The following PRORP variants were observed in gnomAD, a reference collection of about 807,000 sequenced individuals.
The protein encoded by PRORP is mitochondrial ribonuclease P catalytic subunit.
PRORP carries 51 observed loss-of-function variants against 59.4 expected under a neutral mutation model. That is an observed-to-expected ratio of 0.86 (90% confidence interval 0.69 to 1.08). The LOEUF is 1.08. Among genes scored for constraint, PRORP ranks in the 50% least tolerant of loss-of-function variants. The probability of loss-of-function intolerance (pLI) is 0.00; values close to 1 mark genes in which losing one functional copy is unlikely to be tolerated. For synonymous variants in PRORP, 231 were observed against 245.6 expected (o/e 0.94, Z 0.55); for missense variants, 646 against 690.3 (o/e 0.94, Z 0.72).
chr14:35,184,068 A>G lies in PRORP; in HGVS notation c.1275+3291A>G, dbSNP rs113339318. Among the ~76,000 whole-genome samples the G allele has an allele frequency of 4.1e-3, 629 of 152,074 alleles. 7 individuals carry two copies. The highest frequency in any genetic ancestry group is 0.014 in the African/African-American group (589 of 41,504). On this transcript the variant is annotated intron_variant, in intron 5 of 7. Transcript: ENST00000534898. ...TGTACATATTATTTATGCTCTTCCTATAAACTCTCTGCATTATACATTACA... is the reference window on the plus strand; with the variant it reads ...TGTACATATTATTTATGCTCTTCCTGTAAACTCTCTGCATTATACATTACA...
intron 5 of PRORP, among the ~76,000 whole-genome samples, chr14:35,239,936 G>A (rs187819676): frequency 1.6e-4 from 25 of 152,226 alleles, no homozygotes; most frequent in African/African-American, 5.5e-4. Flanking sequence ...TTAGCCAGGC[G>A]TGGTGGCGTG....
chr14:35,244,276 C>T (rs2050430983), intron 5 of PRORP, among the ~76,000 whole-genome samples: 4 of 152,138 alleles, frequency 2.6e-5, no homozygotes. Flanking sequence ...AAAGAATTTC[C>T]TCCATTAGAG....
chr14:35,186,956 A>G (rs1188100241), intron 5 of PRORP, among the ~76,000 whole-genome samples: 1 of 152,086 alleles, frequency 6.6e-6, no homozygotes. Context: ...ATAGTGTTTC[A>G]AAGTTCATCC....
At chr14:35,174,750 C>CTT (rs113505782) in intron 4 of PRORP, among the ~76,000 whole-genome samples, 7 of 132,350 alleles carry the variant, frequency 5.3e-5, no homozygotes, top group South Asian at 4.8e-4. Context: ...TTTTTTTTTT[C>CTT]TTTTTTTTTT....
chr14:35,225,824 A>T (rs775565951), intron 5 of PRORP, among the ~76,000 whole-genome samples: 4 of 151,942 alleles, frequency 2.6e-5, no homozygotes, highest in Non-Finnish European at 4.4e-5. Flanking sequence ...AGACAGGCAG[A>T]TTGCTTGAGC....
chr14:35,133,113 G>A (rs1334385359), intron 4 of PRORP, among the ~76,000 whole-genome samples: 2 of 151,968 alleles, frequency 1.3e-5, no homozygotes. Flanking sequence ...GTAGAGATGG[G>A]GTTTCACCAT....
At chr14:35,151,326 T>C (rs2138890254) in intron 4 of PRORP, among the ~76,000 whole-genome samples, 1 of 152,122 alleles carries the variant, frequency 6.6e-6, no homozygotes, top group South Asian at 2.1e-4. Flanking sequence ...ACAGTAATAC[T>C]GGTGCTGAAG....
At chr14:35,264,554 G>A (rs902233184) in intron 5 of PRORP, among the ~76,000 whole-genome samples, 1 of 151,880 alleles carries the variant, frequency 6.6e-6, no homozygotes, top group Admixed American at 6.6e-5. Context: ...CACCATACCC[G>A]GCCCATTCTA....
chr14:35,254,048 C>G (rs887076300), intron 5 of PRORP, among the ~76,000 whole-genome samples: 1 of 149,884 alleles, frequency 6.7e-6, no homozygotes, highest in African/African-American at 2.5e-5. Flanking sequence ...TGGCCGCCTA[C>G]TAGATCTCTC....
At chr14:35,149,238 A>G (rs190174935) in intron 4 of PRORP, among the ~76,000 whole-genome samples, 110 of 151,210 alleles carry the variant, frequency 7.3e-4, no homozygotes, top group African/African-American at 2.5e-3. Flanking sequence ...TTTTTAATAC[A>G]GTGTCTCATT....
At chr14:35,240,260 C>A (rs1187647251) in intron 5 of PRORP, among the ~76,000 whole-genome samples, 1 of 149,280 alleles carries the variant, frequency 6.7e-6, no homozygotes, top group South Asian at 2.1e-4. Context: ...ACTGTGGTTC[C>A]TGCTTCCTGG....
At chr14:35,247,877 G>C (rs2050520904) in intron 5 of PRORP, among the ~76,000 whole-genome samples, 1 of 152,220 alleles carries the variant, frequency 6.6e-6, no homozygotes, top group African/African-American at 2.4e-5. Context: ...CACACTGTGA[G>C]TCAGGAGGCA....
chr14:35,273,188 T>C (rs2051238096), intron 7 of PRORP, among the ~76,000 whole-genome samples: 1 of 152,224 alleles, frequency 6.6e-6, no homozygotes, highest in African/African-American at 2.4e-5. Flanking sequence ...AGAACGTCTG[T>C]ATTACATAAA....
At chr14:35,175,563 G>A (rs778315906) in intron 4 of PRORP, among the ~76,000 whole-genome samples, 3 of 148,552 alleles carry the variant, frequency 2.0e-5, no homozygotes, top group African/African-American at 5.0e-5. Context: ...GTCTGTTCAT[G>A]TCCTTTGCCC....
Position 35,123,650 on chromosome 14 carries a change from C to G in PRORP, c.405C>G (p.Thr135=). ...TTAAGGAAGATTTAAAAGAAAACACCGGAAAGACCAGTTTCGAAAGTTGGA... is the reference window on the plus strand; with the variant it reads ...TTAAGGAAGATTTAAAAGAAAACACGGGAAAGACCAGTTTCGAAAGTTGGA... ...DKLKEDLKEN[T]GKTSFESWII... is the part of the protein sequence containing the mutation. The change falls in exon 2 of 8, where the codon ACC becomes ACG. Residue 135 remains threonine, a synonymous_variant. Transcript: ENST00000534898. The G allele has an allele frequency of 1.2e-6, 2 of 1,614,102 alleles. No homozygotes were observed. The highest frequency in any genetic ancestry group is 1.7e-6 in the Non-Finnish European group (2 of 1,180,034).
chr14:35,140,026 T>G (rs896558003), intron 4 of PRORP, among the ~76,000 whole-genome samples: 1 of 145,668 alleles, frequency 6.9e-6, no homozygotes, highest in African/African-American at 2.4e-5. Context: ...CTACAAGTTA[T>G]GGGATTTAGA....
intron 5 of PRORP, among the ~76,000 whole-genome samples, chr14:35,258,342 G>A (rs2050810671): frequency 1.3e-5 from 2 of 151,976 alleles, no homozygotes; most frequent in African/African-American, 4.8e-5. Context: ...TAATCATCTT[G>A]AGAAAAAACA....
rs1005744934 is a variant in PRORP at position 35,274,985 on chromosome 14, C to T, written c.*1419C>T. 1 of 152,022 alleles carries T rather than the reference C, an allele frequency of 6.6e-6. No individual in the cohort carries two copies. Among genetic ancestry groups the T allele is most frequent in the African/African-American group, 2.4e-5 (1 of 41,386 alleles). 9.4% of individuals were successfully genotyped at this position (152,022 alleles called of 1,614,324 possible). A position where few individuals can be genotyped will look rare whatever the true frequency, so the allele number is the denominator to read the frequency against. ...CCCCTTCATGATAGTTCTTTCTTTA[C>T]GTATACATACTGTATTCAATATGCA... On this transcript the variant is annotated 3_prime_UTR_variant, in exon 8 of 8. Coordinates refer to ENST00000534898, the MANE Select transcript of PRORP (RefSeq NM_014672.4).
At chr14:35,134,220 C>G (rs899516419) in intron 4 of PRORP, among the ~76,000 whole-genome samples, 2 of 151,874 alleles carry the variant, frequency 1.3e-5, no homozygotes, top group African/African-American at 4.8e-5. Flanking sequence ...CTCTTCCCTC[C>G]CGTTTCCAAA....
Sources: allele counts gnomAD v4.1 joint callset (sites outside exome capture counted in the v4.1 genomes callset), GRCh38; gene constraint gnomAD v4.1.1; transcripts MANE v1.5; gene names NCBI Gene and HGNC (gene_info 2026-07-23, HGNC 2026-07-21).